The following KIAA1217 variants were observed in gnomAD, a reference collection of about 807,000 sequenced individuals.
KIAA1217 encodes the protein sickle tail protein homolog.
A neutral mutation model predicts 163.9 loss-of-function variants in KIAA1217; 88 were observed. The observed-to-expected ratio is 0.54, with a 90% CI of 0.45 to 0.64. KIAA1217 has a LOEUF of 0.64. Among genes scored for constraint, KIAA1217 ranks in the 30% least tolerant of loss-of-function variants. The pLI is 0.00. For synonymous variants in KIAA1217, 903 were observed against 923.1 expected (o/e 0.98, Z 0.39); for missense variants, 2,372 against 2,475.0 (o/e 0.96, Z 0.88).
At chr10:24,501,277 T>C (rs1229119326) in intron 8 of KIAA1217, 102 bp from the exon 9 acceptor site, 1 of 1,015,028 alleles carries the variant, frequency 9.9e-7, no homozygotes, top group African/African-American at 1.6e-5. Context: ...AATGAGAGAA[T>C]TAGGCCTTTT....
chr10:23,927,797 A>G (rs1843088173), intron 1 of KIAA1217, among the ~76,000 whole-genome samples: 1 of 152,174 alleles, frequency 6.6e-6, no homozygotes. Flanking sequence ...AGGCCTCCGG[A>G]GACAGTAAGA....
chr10:24,415,490 A>AT (rs899947781), intron 3 of KIAA1217, among the ~76,000 whole-genome samples: 37 of 149,514 alleles, frequency 2.5e-4, no homozygotes, highest in African/African-American at 8.3e-4. Context: ...GCTCTTGGGG[A>AT]AAAAAAAAAG....
chr10:24,511,188 A>C (rs931127107), intron 9 of KIAA1217, among the ~76,000 whole-genome samples: 14 of 137,496 alleles, frequency 1.0e-4, no homozygotes, highest in African/African-American at 3.7e-4. Context: ...CCTGGCCCCT[A>C]TGAAGAACTG....
At chr10:24,111,317 G>C (rs139885272) in intron 2 of KIAA1217, among the ~76,000 whole-genome samples, 532 of 152,244 alleles carry the variant, frequency 3.5e-3, no homozygotes, top group African/African-American at 0.012. Context: ...CCCATGGCAA[G>C]ATATGTACAC....
At chr10:23,843,546 G>A (rs1461623586) in intron 1 of KIAA1217, among the ~76,000 whole-genome samples, 2 of 152,026 alleles carry the variant, frequency 1.3e-5, no homozygotes, top group Non-Finnish European at 2.9e-5. Flanking sequence ...CATTTGACGA[G>A]GACCTGTTCC....
At chr10:23,976,892 G>A (rs539118255) in intron 1 of KIAA1217, among the ~76,000 whole-genome samples, 1 of 152,282 alleles carries the variant, frequency 6.6e-6, no homozygotes, top group South Asian at 2.1e-4. Flanking sequence ...GACTCTGTAT[G>A]TGCATTTAAC....
intron 1 of KIAA1217, among the ~76,000 whole-genome samples, chr10:23,826,602 T>A (rs1239591530): frequency 6.6e-6 from 1 of 152,186 alleles, no homozygotes; most frequent in Non-Finnish European, 1.5e-5. Flanking sequence ...TCCATGGTGC[T>A]GACCTCCTGA....
chr10:24,312,310 A>C (rs922141096), intron 2 of KIAA1217, among the ~76,000 whole-genome samples: 1 of 127,152 alleles, frequency 7.9e-6, no homozygotes, highest in African/African-American at 2.8e-5. Context: ...TCATAGATTT[A>C]AAAAAAAAAA....
At chr10:24,219,398 C>T (rs945417042) in intron 1 of KIAA1217, among the ~76,000 whole-genome samples, 2 of 152,160 alleles carry the variant, frequency 1.3e-5, no homozygotes, top group African/African-American at 2.4e-5. Context: ...AGGCAGGAGT[C>T]GCCATGCCCA....
intron 2 of KIAA1217, among the ~76,000 whole-genome samples, chr10:24,011,667 TCTCAACTTAACA>T (rs1436760989): frequency 6.6e-6 from 1 of 152,154 alleles, no homozygotes; most frequent in Non-Finnish European, 1.5e-5. Context: ...AAAATGGAAC[TCTCAACTTAACA>T]CTCAACTTAA....
intron 1 of KIAA1217, among the ~76,000 whole-genome samples, chr10:23,870,862 C>T (rs1840425702): frequency 6.6e-6 from 1 of 152,034 alleles, no homozygotes; most frequent in South Asian, 2.1e-4. Flanking sequence ...ACATAACTGT[C>T]CTCTGAAGTT....
At chr10:23,762,956 A>G (rs1013612644) in intron 1 of KIAA1217, among the ~76,000 whole-genome samples, 3 of 152,202 alleles carry the variant, frequency 2.0e-5, no homozygotes, top group Non-Finnish European at 2.9e-5. Context: ...CATCACAAGC[A>G]TTCCTATACA....
intron 1 of KIAA1217, among the ~76,000 whole-genome samples, chr10:23,887,105 T>C (rs1424889192): frequency 6.6e-6 from 1 of 151,962 alleles, no homozygotes; most frequent in Non-Finnish European, 1.5e-5. Flanking sequence ...TACCATCTTC[T>C]GGCTTTCTTA....
chr10:24,112,865 C>T (rs948974302), intron 2 of KIAA1217, among the ~76,000 whole-genome samples: 12 of 152,086 alleles, frequency 7.9e-5, no homozygotes, highest in African/African-American at 1.9e-4. Flanking sequence ...GGATTACAGG[C>T]GTGAGCCACC....
intron 2 of KIAA1217, among the ~76,000 whole-genome samples, chr10:24,316,318 C>T (rs1046563318): frequency 2.6e-5 from 4 of 152,122 alleles, no homozygotes; most frequent in African/African-American, 4.8e-5. Context: ...ATCTAACTGT[C>T]CTGTCCCAGT....
At position 23,913,986 on chromosome 10, in the gene KIAA1217, CA is replaced by C. The variant is rs1329111037; in HGVS notation, c.-320-93238del. Among the ~76,000 whole-genome samples, 13 of 152,244 alleles carry C rather than the reference CA, an allele frequency of 8.5e-5. No homozygotes were observed. In the East Asian group the frequency reaches 1.9e-3, roughly 23 times the overall value. On this transcript the variant is annotated intron_variant, in intron 1 of 18. Transcript: ENST00000376462. ...CTGGAGCCAGGTGGCTCCTAGGTGCCAGGGGTGTTGCAGAAACACAGAGGCA... is the reference window on the plus strand; with the variant it reads ...CTGGAGCCAGGTGGCTCCTAGGTGCCGGGGTGTTGCAGAAACACAGAGGCA...
At chr10:23,868,873 T>C (rs964244756) in intron 1 of KIAA1217, among the ~76,000 whole-genome samples, 3 of 152,148 alleles carry the variant, frequency 2.0e-5, no homozygotes, top group African/African-American at 7.2e-5. Context: ...GTATCTTGTC[T>C]TTGGAAAAAC....
At chr10:24,199,404 T>G (rs1246882777) in intron 2 of KIAA1217, among the ~76,000 whole-genome samples, 1 of 152,174 alleles carries the variant, frequency 6.6e-6, no homozygotes, top group Non-Finnish European at 1.5e-5. Flanking sequence ...AATACTAATA[T>G]AAATGGTAAG....
At chr10:24,018,153 A>G (rs7910996) in intron 2 of KIAA1217, among the ~76,000 whole-genome samples, 32,275 of 151,878 alleles carry the variant, frequency 0.21, 4,301 homozygotes, top group Middle Eastern at 0.4. Flanking sequence ...AAAAATTATA[A>G]GGAGTATGTG....
Sources: allele counts gnomAD v4.1 joint callset (sites outside exome capture counted in the v4.1 genomes callset), GRCh38; gene constraint gnomAD v4.1.1; transcripts MANE v1.5; gene names NCBI Gene and HGNC (gene_info 2026-07-23, HGNC 2026-07-21).